KCNQ3: variants seen among roughly 807,000 people sequenced by gnomAD.
KCNQ3 encodes the protein potassium voltage-gated channel subfamily Q member 3, also known as potassium voltage-gated channel subfamily KQT member 3.
A neutral mutation model predicts 92.5 loss-of-function variants in KCNQ3; 30 were observed. That is an observed-to-expected ratio of 0.32 (90% CI 0.24 to 0.44). The LOEUF is 0.44. Ranked by LOEUF, KCNQ3 falls within the 20% of genes least tolerant of loss-of-function variation. The pLI, the probability that KCNQ3 is intolerant of heterozygous loss-of-function variation, is 1.00. For missense variants in KCNQ3, 913 were observed against 1,140.3 expected (o/e 0.80, Z 2.87); for synonymous variants, 450 against 468.8 (o/e 0.96, Z 0.52).
At chr8:132,386,765 C>T (rs1194281809) in intron 1 of KCNQ3, among the ~76,000 whole-genome samples, 2 of 152,068 alleles carry the variant, frequency 1.3e-5, no homozygotes, top group African/African-American at 4.8e-5. Context: ...TGTGATGACT[C>T]CTACTAGAAA....
chr8:132,163,459 G>A lies in KCNQ3; in HGVS notation c.1262+9C>T, dbSNP rs2130077469. 6.2e-7 allele frequency: 1 copy of A among 1,610,746 alleles called. No homozygotes were observed. Among genetic ancestry groups the A allele is most frequent in the Non-Finnish European group, 8.5e-7 (1 of 1,176,928 alleles). ...ATGTGAAGAAGGGAATTCATAATCA[G>A]AAACTTACCTGGATGCTGCCTCCAG... On this transcript the variant is annotated intron_variant, in intron 9 of 14. Coordinates refer to ENST00000388996, the MANE Select transcript of KCNQ3 (RefSeq NM_004519.4).
At chr8:132,362,564 G>A (rs553521818) in intron 1 of KCNQ3, among the ~76,000 whole-genome samples, 1 of 152,182 alleles carries the variant, frequency 6.6e-6, no homozygotes, top group African/African-American at 2.4e-5. Context: ...TGGGACAAAT[G>A]TTCTAGCAGG....
At chr8:132,143,513 C>G (rs1031173253) in intron 9 of KCNQ3, among the ~76,000 whole-genome samples, 7 of 152,194 alleles carry the variant, frequency 4.6e-5, no homozygotes, top group African/African-American at 7.2e-5. Context: ...AGATCATGGG[C>G]AAAACCAGCC....
intron 1 of KCNQ3, among the ~76,000 whole-genome samples, chr8:132,412,331 G>A (rs1820673617): frequency 6.6e-6 from 1 of 151,440 alleles, no homozygotes; most frequent in South Asian, 2.1e-4. Context: ...AACCTGCTTT[G>A]CATCTCCCCT....
At chr8:132,368,381 C>T (rs1175887485) in intron 1 of KCNQ3, among the ~76,000 whole-genome samples, 1 of 152,110 alleles carries the variant, frequency 6.6e-6, no homozygotes, top group Non-Finnish European at 1.5e-5. Context: ...TAGTCGTGCA[C>T]AGTGGCTCAC....
intron 1 of KCNQ3, among the ~76,000 whole-genome samples, chr8:132,194,345 ACCC>A (rs1435127702): frequency 6.6e-6 from 1 of 152,160 alleles, no homozygotes; most frequent in Non-Finnish European, 1.5e-5. Context: ...GATCCTACTG[ACCC>A]TCAATTGAAA....
chr8:132,472,635 G>T (rs2130867749), intron 1 of KCNQ3, among the ~76,000 whole-genome samples: 1 of 152,280 alleles, frequency 6.6e-6, no homozygotes, highest in Admixed American at 6.5e-5. Flanking sequence ...GGGGTATAAA[G>T]AGAGGTTAGT....
chr8:132,275,062 T>A (rs1363720814), intron 1 of KCNQ3, among the ~76,000 whole-genome samples: 1 of 151,830 alleles, frequency 6.6e-6, no homozygotes, highest in Non-Finnish European at 1.5e-5. Flanking sequence ...CGTGGGGAGG[T>A]GTCAGCAGAG....
At chr8:132,133,557 T>C (rs1416260698) in intron 13 of KCNQ3, among the ~76,000 whole-genome samples, 1 of 152,094 alleles carries the variant, frequency 6.6e-6, no homozygotes, top group Non-Finnish European at 1.5e-5. Flanking sequence ...GGTTTCACTA[T>C]GTTGGCCAGG....
intron 1 of KCNQ3, among the ~76,000 whole-genome samples, chr8:132,218,104 T>C (rs1814099848): frequency 6.6e-6 from 1 of 152,210 alleles, no homozygotes; most frequent in Non-Finnish European, 1.5e-5. Flanking sequence ...TTGTGAATTC[T>C]ATACAAATGA....
At position 132,301,335 on chromosome 8, in the gene KCNQ3, C is replaced by G. The variant is rs555077869; in HGVS notation, c.387-115154G>C. ...ACTCACCTGTTGGCTATGAAATGAA[C>G]CCTGTCCACTCCAGCCACCATGGCC... On this transcript the variant is annotated intron_variant, in intron 1 of 14. Coordinates refer to ENST00000388996, the MANE Select transcript of KCNQ3 (RefSeq NM_004519.4). Among the ~76,000 whole-genome samples the G allele has an allele frequency of 3.3e-5, 5 of 152,226 alleles. No individual in the cohort carries two copies. The South Asian group carries it at 1.0e-3, about 32-fold the overall frequency.
chr8:132,250,125 G>A (rs2130437399), intron 1 of KCNQ3, among the ~76,000 whole-genome samples: 1 of 152,338 alleles, frequency 6.6e-6, no homozygotes, highest in Admixed American at 6.5e-5. Context: ...GCAGGCTGAA[G>A]GTCTCCTCAA....
intron 1 of KCNQ3, among the ~76,000 whole-genome samples, chr8:132,243,082 G>A (rs763825168): frequency 2.6e-5 from 4 of 152,192 alleles, no homozygotes; most frequent in Non-Finnish European, 4.4e-5. Context: ...GTGGGCAAAA[G>A]CCTTCAGGAT....
At chr8:132,468,583 G>A (rs1822232568) in intron 1 of KCNQ3, among the ~76,000 whole-genome samples, 1 of 152,236 alleles carries the variant, frequency 6.6e-6, no homozygotes, top group Non-Finnish European at 1.5e-5. Flanking sequence ...AGGTTACCCT[G>A]ACATTGAACA....
rs564708286 is a variant in KCNQ3 at position 132,163,542 on chromosome 8, A to T, written c.1236-48T>A. On this transcript the variant is annotated intron_variant, in intron 8 of 14. Transcript: ENST00000388996. ...AAATAAAGCATAAATTACGTGAAACAGCTGTATCCTTCCTCGAAAGATTGC... is the reference window on the plus strand; with the variant it reads ...AAATAAAGCATAAATTACGTGAAACTGCTGTATCCTTCCTCGAAAGATTGC... The T allele has an allele frequency of 1.2e-5, 18 of 1,453,312 alleles. No individual in the cohort carries two copies. The African/African-American group carries it at 2.4e-4, about 19-fold the overall frequency. The allele number at this position is 1,453,312 out of a possible 1,614,324, so 90.0% of individuals were successfully genotyped here.
chr8:132,439,568 G>A (rs1563912622), intron 1 of KCNQ3, among the ~76,000 whole-genome samples: 1 of 152,158 alleles, frequency 6.6e-6, no homozygotes. Flanking sequence ...ACCCTAAAGA[G>A]ATGATTCCAG....
chr8:132,425,725 G>T (rs1192959582), intron 1 of KCNQ3, among the ~76,000 whole-genome samples: 2 of 152,180 alleles, frequency 1.3e-5, no homozygotes, highest in Non-Finnish European at 2.9e-5. Flanking sequence ...AGATCCTCCG[G>T]CAGCATGAAT....
At chr8:132,437,675 C>G (rs1161807428) in intron 1 of KCNQ3, among the ~76,000 whole-genome samples, 2 of 152,272 alleles carry the variant, frequency 1.3e-5, no homozygotes, top group African/African-American at 4.8e-5. Context: ...TCCAGAGCAT[C>G]CTGTATTCTC....
chr8:132,369,578 C>T (rs1193812777), intron 1 of KCNQ3, among the ~76,000 whole-genome samples: 1 of 100,192 alleles, frequency 1.0e-5, no homozygotes, highest in Non-Finnish European at 2.0e-5. Flanking sequence ...AAACAGCACA[C>T]ACACACACAC....
Sources: gnomAD v4.1 joint callset for allele counts (sites outside exome capture counted in the v4.1 genomes callset) on GRCh38, gnomAD v4.1.1 for gene constraint, MANE v1.5 for transcripts, NCBI Gene and HGNC (gene_info 2026-07-23, HGNC 2026-07-21) for gene names.